PTCHD4: variants seen among roughly 807,000 people sequenced by gnomAD.
PTCHD4 encodes patched domain-containing protein 4.
In PTCHD4, 33 loss-of-function variants were observed where a neutral mutation model predicts 58.1. The observed-to-expected ratio is 0.57, with a 90% CI of 0.43 to 0.76. PTCHD4 has a LOEUF of 0.76. Ranked by LOEUF, PTCHD4 falls within the 30% of genes least tolerant of loss-of-function variation. The pLI is 0.00. For missense variants in PTCHD4, 1,058 were observed against 1,027.1 expected (o/e 1.03, Z -0.41); for synonymous variants, 478 against 409.6 (o/e 1.17, Z -2.02).
intron 3 of PTCHD4, among the ~76,000 whole-genome samples, chr6:48,012,040 G>A (rs145549278): frequency 6.6e-6 from 1 of 152,244 alleles, no homozygotes; most frequent in Non-Finnish European, 1.5e-5. Flanking sequence ...GCTTAGGATT[G>A]TCTTGGCTAT....
rs1042163091 is a variant in PTCHD4 at position 47,865,223 on chromosome 6, G to A, written c.*13080C>T. On this transcript the variant is annotated 3_prime_UTR_variant, in exon 5 of 5. Transcript: ENST00000339488. ...ACATGGAAAAAAGTATAAAAGATTA[G>A]ACTGCCTATTTATGTTCCTAAGATA... 2.6e-5 allele frequency among the ~76,000 whole-genome samples: 4 copies of A among 151,852 alleles called. No homozygotes were observed. Among genetic ancestry groups the A allele is most frequent in the African/African-American group, 9.7e-5 (4 of 41,376 alleles).
At chr6:48,048,289 A>T (rs1764110016) in intron 3 of PTCHD4, among the ~76,000 whole-genome samples, 1 of 151,986 alleles carries the variant, frequency 6.6e-6, no homozygotes, top group Non-Finnish European at 1.5e-5. Context: ...TCAAGCAGTC[A>T]TTCAAATGTC....
At chr6:48,072,211 T>C (rs1764989075) in intron 1 of PTCHD4, among the ~76,000 whole-genome samples, 1 of 152,190 alleles carries the variant, frequency 6.6e-6, no homozygotes, top group South Asian at 2.1e-4. Flanking sequence ...TTTGCAAATC[T>C]TGTGCACAAG....
intron 3 of PTCHD4, among the ~76,000 whole-genome samples, chr6:48,066,317 TAAAC>T (rs1562035746): frequency 6.6e-6 from 1 of 152,114 alleles, no homozygotes; most frequent in African/African-American, 2.4e-5. Context: ...TATTACCAGA[TAAAC>T]AAAATCTCCT....
intron 3 of PTCHD4, among the ~76,000 whole-genome samples, chr6:48,063,019 T>C (rs1457224780): frequency 6.6e-6 from 1 of 152,158 alleles, no homozygotes; most frequent in African/African-American, 2.4e-5. Flanking sequence ...CTAGGTCTCA[T>C]AGAACTCAGG....
chr6:47,881,119 G>A (rs1010209330), intron 4 of PTCHD4, among the ~76,000 whole-genome samples: 1 of 152,094 alleles, frequency 6.6e-6, no homozygotes, highest in Non-Finnish European at 1.5e-5. Flanking sequence ...TAGCTGAAAG[G>A]CACAAAATCA....
rs372573637 is a variant in PTCHD4, at chr6:47,966,022, GA to G, written c.898+42611del. 1.1e-3 allele frequency among the ~76,000 whole-genome samples: 167 copies of G among 152,306 alleles called. 1 individual carries two copies. The South Asian group carries it at 0.033, about 30-fold the overall frequency. On this transcript the variant is annotated intron_variant, in intron 4 of 4. Coordinates refer to ENST00000339488, the MANE Select transcript of PTCHD4 (RefSeq NM_001384253.1). ...AGTGCATTGAGGAATAAAATATGGA[GA>G]AAATATAAGTAAGAGATAGATGACA...
intron 4 of PTCHD4, among the ~76,000 whole-genome samples, chr6:47,888,729 C>T (rs1007608796): frequency 3.3e-5 from 5 of 150,376 alleles, no homozygotes; most frequent in African/African-American, 1.2e-4. Context: ...CATATGTATA[C>T]ATGTGCCATG....
At chr6:47,891,614 C>T (rs908952292) in intron 4 of PTCHD4, among the ~76,000 whole-genome samples, 2 of 152,070 alleles carry the variant, frequency 1.3e-5, no homozygotes, top group African/African-American at 4.8e-5. Flanking sequence ...TTAAGATAAC[C>T]AGTCATAGAA....
At chr6:48,007,285 A>C (rs1762477242) in intron 4 of PTCHD4, among the ~76,000 whole-genome samples, 1 of 152,176 alleles carries the variant, frequency 6.6e-6, no homozygotes, top group Admixed American at 6.5e-5. Flanking sequence ...ACAACTTAAC[A>C]TGGCCACAAT....
At chr6:47,901,512 C>G (rs1011156113) in intron 4 of PTCHD4, 1 of 988,110 alleles carries the variant, frequency 1.0e-6, no homozygotes, top group Non-Finnish European at 1.2e-6. Flanking sequence ...TAGGAAAGTA[C>G]CTATATGATT....
chr6:47,904,954 T>C (rs780935290), intron 4 of PTCHD4, among the ~76,000 whole-genome samples: 8 of 151,204 alleles, frequency 5.3e-5, no homozygotes, highest in Admixed American at 1.3e-4. Flanking sequence ...GGTGAAAACA[T>C]GGGGAAGAAG....
chr6:48,001,169 T>A (rs1768708111), intron 4 of PTCHD4, among the ~76,000 whole-genome samples: 1 of 152,076 alleles, frequency 6.6e-6, no homozygotes, highest in Non-Finnish European at 1.5e-5. Flanking sequence ...ATCATGAAAA[T>A]GGCCATACTG....
rs192181047 is a variant in PTCHD4 at position 48,044,545 on chromosome 6, A to G, written c.417+23685T>C. On this transcript the variant is annotated intron_variant, in intron 3 of 4. Coordinates refer to ENST00000339488, the MANE Select transcript of PTCHD4 (RefSeq NM_001384253.1). Reference sequence around the variant, plus strand: ...ATGATTGAGTGACACTGTGTTTTTTAATATAAAGTGGGGGTTGGCAATGTA... The same window carrying G: ...ATGATTGAGTGACACTGTGTTTTTTGATATAAAGTGGGGGTTGGCAATGTA... Among the ~76,000 whole-genome samples the G allele has an allele frequency of 2.3e-3, 348 of 151,916 alleles. 2 individuals are homozygous for G. The highest frequency in any genetic ancestry group is 7.8e-3 in the African/African-American group (323 of 41,518).
intron 3 of PTCHD4, among the ~76,000 whole-genome samples, chr6:48,042,684 T>C (rs929462009): frequency 4.0e-5 from 6 of 151,896 alleles, no homozygotes; most frequent in African/African-American, 1.4e-4. Flanking sequence ...TGGTCAACTT[T>C]CCCAGGCCAC....
Position 48,008,666 on chromosome 6 carries a change from G to C in PTCHD4, c.866C>G (p.Ser289Cys), listed in dbSNP as rs1342040351. The change falls in exon 4 of 5, where the codon TCC (serine) becomes TGC (cysteine). Residue 289 changes from serine to cysteine, a missense_variant. By Grantham distance (112) the Ser-to-Cys change is moderately radical. Transcript: ENST00000339488. ...IFFITDGKYN[S>C]TLLGIPFFAM... The stretch of plus-strand genomic sequence containing the variant: ...GAAGAACGGGATTCCCAGCAGGGTG[G>C]AGTTGTACTTTCCATCGGTGATGAA... The C allele has an allele frequency of 6.2e-7, 1 of 1,613,280 alleles. No individual in the cohort carries two copies. Among genetic ancestry groups the C allele is most frequent in the Non-Finnish European group, 8.5e-7 (1 of 1,179,680 alleles).
intron 4 of PTCHD4, among the ~76,000 whole-genome samples, chr6:47,928,997 C>T (rs915276092): frequency 6.6e-6 from 1 of 152,082 alleles, no homozygotes; most frequent in Non-Finnish European, 1.5e-5. Flanking sequence ...CTAGCCACAT[C>T]TGAGGTATAG....
At chr6:48,062,265 G>T (rs960987766) in intron 3 of PTCHD4, among the ~76,000 whole-genome samples, 2 of 152,104 alleles carry the variant, frequency 1.3e-5, no homozygotes, top group African/African-American at 4.8e-5. Context: ...AAGAAGTATG[G>T]TATTTTTGGC....
intron 4 of PTCHD4, among the ~76,000 whole-genome samples, chr6:47,956,933 G>A: frequency 6.6e-6 from 1 of 151,990 alleles, no homozygotes. Context: ...GGAGGCCGAG[G>A]AGGGCAGCTC....
Sources: allele counts gnomAD v4.1 joint callset (sites outside exome capture counted in the v4.1 genomes callset), GRCh38; gene constraint gnomAD v4.1.1; transcripts MANE v1.5; gene names NCBI Gene and HGNC (gene_info 2026-07-23, HGNC 2026-07-21).